VCF1: variants seen among roughly 807,000 people sequenced by gnomAD.
The protein encoded by VCF1 is protein VCF1.
the VCF1 span, among the ~76,000 whole-genome samples, chr17:73,224,847 C>CAGCATAGGAT: frequency 6.9e-6 from 1 of 144,678 alleles, no homozygotes; most frequent in Non-Finnish European, 1.5e-5. Flanking sequence ...CAGCACAGGA[C>CAGCATAGGAT]AGGACAGGAC....
chr17:73,212,163 T>G, the VCF1 span, among the ~76,000 whole-genome samples: 3 of 152,374 alleles, frequency 2.0e-5, no homozygotes, highest in East Asian at 1.9e-4. Flanking sequence ...ATTATAAAAA[T>G]GTATAAATTA....
At chr17:73,229,516 A>G in the VCF1 span, 2 of 985,342 alleles carry the variant, frequency 2.0e-6, no homozygotes, top group Non-Finnish European at 2.4e-6. Context: ...ACGTTGCATT[A>G]TTTCATTTCT....
chr17:73,229,355 CA>C, the VCF1 span: 1 of 985,328 alleles, frequency 1.0e-6, no homozygotes, highest in South Asian at 4.7e-5. Context: ...CCTATCAGTT[CA>C]ATCAATCAGA....
chr17:73,227,510 A>T, the VCF1 span: 1 of 685,878 alleles, frequency 1.5e-6, no homozygotes, highest in Non-Finnish European at 1.9e-6. Context: ...AAAGAAGCTT[A>T]ACAATTTTAA....
the VCF1 span, chr17:73,209,719 A>ATGCTGCTGC: frequency 6.8e-6 from 10 of 1,474,394 alleles, no homozygotes; most frequent in East Asian, 2.6e-5. Flanking sequence ...CGGGCTATTG[A>ATGCTGCTGC]TGCTGCTGCT....
At chr17:73,224,944 G>GGA in the VCF1 span, among the ~76,000 whole-genome samples, 693 of 130,848 alleles carry the variant, frequency 5.3e-3, 66 homozygotes, top group Middle Eastern at 0.012. Flanking sequence ...GCACAGCACA[G>GGA]CACAGCACAG....
chr17:73,227,027 GGAAACA>G, the VCF1 span: 1 of 601,932 alleles, frequency 1.7e-6, no homozygotes, highest in Middle Eastern at 4.2e-4. Flanking sequence ...ACCCTGATTT[GGAAACA>G]GAAAGGTTAA....
At chr17:73,226,052 C>A in the VCF1 span, among the ~76,000 whole-genome samples, 17 of 151,774 alleles carry the variant, frequency 1.1e-4, no homozygotes, top group Non-Finnish European at 2.2e-4. Flanking sequence ...CAGGCGTGCA[C>A]CACCACACCC....
the VCF1 span, among the ~76,000 whole-genome samples, chr17:73,211,468 C>G: frequency 6.6e-6 from 1 of 151,848 alleles, no homozygotes; most frequent in East Asian, 1.9e-4. Flanking sequence ...ACTAGGGAGG[C>G]CGAGGCAGGA....
At chr17:73,232,359 A>G in the VCF1 span, 23 of 1,480,614 alleles carry the variant, frequency 1.6e-5, no homozygotes, top group Middle Eastern at 4.2e-4. Context: ...GCACCATCCC[A>G]ACCGCACCGA....
At chr17:73,214,861 A>G in the VCF1 span, among the ~76,000 whole-genome samples, 1 of 152,246 alleles carries the variant, frequency 6.6e-6, no homozygotes, top group African/African-American at 2.4e-5. Flanking sequence ...AGGACCATCA[A>G]ATAGGAATCC....
chr17:73,219,415 C>T, the VCF1 span, among the ~76,000 whole-genome samples: 1 of 151,828 alleles, frequency 6.6e-6, no homozygotes, highest in African/African-American at 2.4e-5. Context: ...CTCTGGAGGC[C>T]GAGGTGGGTG....
At chr17:73,219,213 A>C in the VCF1 span, among the ~76,000 whole-genome samples, 14 of 150,910 alleles carry the variant, frequency 9.3e-5, no homozygotes, top group Admixed American at 8.6e-4. Context: ...AAAAAAAAAA[A>C]CGACGAAACT....
the VCF1 span, among the ~76,000 whole-genome samples, chr17:73,218,776 T>C: frequency 2.0e-5 from 3 of 151,884 alleles, no homozygotes; most frequent in South Asian, 6.3e-4. Flanking sequence ...TCCCACCACT[T>C]TGGGAGGCCG....
chr17:73,223,616 TGTAA>T, the VCF1 span, among the ~76,000 whole-genome samples: 2 of 150,398 alleles, frequency 1.3e-5, no homozygotes, highest in Admixed American at 6.7e-5. Context: ...AGAAATGAAT[TGTAA>T]GTAACTTTTA....
chr17:73,207,516 C>A, the VCF1 span: 3 of 598,606 alleles, frequency 5.0e-6, no homozygotes, highest in South Asian at 1.8e-5. Flanking sequence ...TGGAGATGAG[C>A]TCTTGAATTT....
chr17:73,209,523 G>A, the VCF1 span: 41 of 1,577,266 alleles, frequency 2.6e-5, no homozygotes, highest in Admixed American at 5.2e-4. Flanking sequence ...AGAAACTGCC[G>A]GCACATCATG....
the VCF1 span, among the ~76,000 whole-genome samples, chr17:73,231,757 A>G: frequency 7.8e-6 from 1 of 128,412 alleles, no homozygotes; most frequent in Non-Finnish European, 1.7e-5. Context: ...CCATCCCCCC[A>G]CCCTCCTAAA....
chr17:73,208,444 C>T, the VCF1 span: 2 of 1,614,122 alleles, frequency 1.2e-6, no homozygotes, highest in Non-Finnish European at 1.7e-6. Context: ...TCTAGTATGA[C>T]TAAGTAACAT....
Sources: gnomAD v4.1 joint callset for allele counts (sites outside exome capture counted in the v4.1 genomes callset) on GRCh38, gnomAD v4.1.1 for gene constraint, MANE v1.5 for transcripts, NCBI Gene and HGNC (gene_info 2026-07-23, HGNC 2026-07-21) for gene names.